CPA6: variants seen among roughly 807,000 people sequenced by gnomAD.
CPA6 encodes carboxypeptidase A6, also known as carboxypeptidase B.
Under a neutral mutation model 63.3 loss-of-function variants are expected in CPA6, and 58 were observed. That is an observed-to-expected ratio of 0.92 (90% CI 0.74 to 1.14). The LOEUF (loss-of-function observed/expected upper bound fraction) is 1.14, where lower values mean the gene tolerates loss of function less well. Ranked by LOEUF, CPA6 falls within the 50% of genes most tolerant of loss-of-function variation. The pLI is 0.00. For missense variants in CPA6, 565 were observed against 526.6 expected (o/e 1.07, Z -0.71); for synonymous variants, 185 against 179.0 (o/e 1.03, Z -0.27).
chr8:67,450,593 C>A (rs1011886828), intron 8 of CPA6, among the ~76,000 whole-genome samples: 2 of 152,182 alleles, frequency 1.3e-5, no homozygotes, highest in African/African-American at 4.8e-5. Context: ...AAAAGGGTAA[C>A]TATTTTGTAC....
chr8:67,724,108 T>C (rs1817553327), intron 1 of CPA6, among the ~76,000 whole-genome samples: 1 of 151,598 alleles, frequency 6.6e-6, no homozygotes, highest in Non-Finnish European at 1.5e-5. Flanking sequence ...GAGCAAAGCA[T>C]ACAAATTCAC....
rs1254567012 is a variant in CPA6 at position 67,484,625 on chromosome 8, GTT to G, written c.747+52_747+53del. 5 of 955,266 alleles carry G rather than the reference GTT, an allele frequency of 5.2e-6. No homozygotes were observed. In the Admixed American group the frequency reaches 1.0e-4, roughly 19 times the overall value. The allele number at this position is 955,266 out of a possible 1,614,324, so 59.2% of individuals were successfully genotyped here. On this transcript the variant is annotated intron_variant, in intron 7 of 10. Coordinates refer to ENST00000297770, the MANE Select transcript of CPA6 (RefSeq NM_020361.5). Reference sequence around the variant, plus strand: ...TCCTGTCCTGGAAGTTTGTGACTCTGTTTTCTATGATTTATTTAGTCCTCTTT... The same window carrying G: ...TCCTGTCCTGGAAGTTTGTGACTCTGTTCTATGATTTATTTAGTCCTCTTT...
At chr8:67,488,837 T>C (rs1303637498) in intron 6 of CPA6, among the ~76,000 whole-genome samples, 6 of 152,222 alleles carry the variant, frequency 3.9e-5, no homozygotes, top group Non-Finnish European at 5.9e-5. Context: ...AGTTCACTCA[T>C]GATTTGGCTC....
chr8:67,662,252 G>C (rs951268243), intron 1 of CPA6, among the ~76,000 whole-genome samples: 1 of 152,132 alleles, frequency 6.6e-6, no homozygotes, highest in Admixed American at 6.6e-5. Context: ...TACAAAGAAT[G>C]CATCAGGTGA....
intron 2 of CPA6, among the ~76,000 whole-genome samples, chr8:67,584,817 A>G (rs1239443732): frequency 6.6e-6 from 1 of 152,160 alleles, no homozygotes; most frequent in African/African-American, 2.4e-5. Context: ...ACATTTGTTG[A>G]AATTCTCATG....
intron 1 of CPA6, among the ~76,000 whole-genome samples, chr8:67,737,639 A>G (rs1817839092): frequency 6.6e-6 from 1 of 152,214 alleles, no homozygotes. Context: ...TGCTGTGCAC[A>G]TGGGCTGCTC....
chr8:67,715,019 C>G (rs989923872), intron 1 of CPA6, among the ~76,000 whole-genome samples: 2 of 152,140 alleles, frequency 1.3e-5, no homozygotes, highest in Non-Finnish European at 2.9e-5. Flanking sequence ...CTTAAGTCAC[C>G]GATAAGAGAA....
intron 8 of CPA6, among the ~76,000 whole-genome samples, chr8:67,468,960 T>C (rs1810993894): frequency 6.6e-6 from 1 of 152,204 alleles, no homozygotes; most frequent in Admixed American, 6.5e-5. Flanking sequence ...CTGCATCCTT[T>C]GCTTTATTCA....
chr8:67,582,212 T>C (rs545247484), intron 2 of CPA6, among the ~76,000 whole-genome samples: 1 of 152,254 alleles, frequency 6.6e-6, no homozygotes, highest in Admixed American at 6.5e-5. Context: ...CTTTGTCTAC[T>C]GAGAGCCCAC....
chr8:67,493,889 C>A (rs1192516294), intron 6 of CPA6, among the ~76,000 whole-genome samples: 2 of 152,040 alleles, frequency 1.3e-5, no homozygotes, highest in Non-Finnish European at 2.9e-5. Flanking sequence ...CCATTTCAGG[C>A]CATTTTAGTC....
intron 1 of CPA6, among the ~76,000 whole-genome samples, chr8:67,728,241 A>G (rs1817640833): frequency 6.6e-6 from 1 of 152,054 alleles, no homozygotes; most frequent in East Asian, 1.9e-4. Context: ...TACACTCCCC[A>G]CTTACCTCTC....
chr8:67,570,229 G>A (rs1366394310), intron 2 of CPA6, among the ~76,000 whole-genome samples: 2 of 152,118 alleles, frequency 1.3e-5, no homozygotes, highest in Non-Finnish European at 2.9e-5. Context: ...CTGTCTTTCA[G>A]AAGTGAGGAA....
At chr8:67,556,203 A>T (rs1036807729) in intron 2 of CPA6, among the ~76,000 whole-genome samples, 1 of 152,200 alleles carries the variant, frequency 6.6e-6, no homozygotes, top group Admixed American at 6.5e-5. Context: ...GGGATTTATT[A>T]TGGGAGATGG....
chr8:67,706,369 C>G (rs1370919866), intron 1 of CPA6, among the ~76,000 whole-genome samples: 2 of 152,032 alleles, frequency 1.3e-5, no homozygotes. Flanking sequence ...AGGTTTTTCA[C>G]CAAAAGTAAA....
chr8:67,511,701 G>A lies in CPA6; in HGVS notation c.318-46C>T, dbSNP rs772172902. 35 of 1,116,430 alleles carry A rather than the reference G, an allele frequency of 3.1e-5. No individual in the cohort carries two copies. In the Admixed American group the frequency reaches 5.9e-4, roughly 19 times the overall value. The allele number at this position is 1,116,430 out of a possible 1,614,324, so 69.2% of individuals were successfully genotyped here. On this transcript the variant is annotated intron_variant, in intron 3 of 10. Coordinates refer to ENST00000297770, the MANE Select transcript of CPA6 (RefSeq NM_020361.5). ...ATGATGAAAAGTAAATTGAGATATT[G>A]CAAAAATCAGGCAACACCCAGAAAA...
chr8:67,556,142 T>C (rs1813055059), intron 2 of CPA6, among the ~76,000 whole-genome samples: 1 of 152,250 alleles, frequency 6.6e-6, no homozygotes, highest in African/African-American at 2.4e-5. Context: ...TAACTTGGTT[T>C]CATAACATGA....
chr8:67,713,455 C>T (rs188747314), intron 1 of CPA6, among the ~76,000 whole-genome samples: 28 of 152,138 alleles, frequency 1.8e-4, no homozygotes, highest in African/African-American at 6.3e-4. Flanking sequence ...TTCTTTGTTT[C>T]GGGTTTTACC....
At chr8:67,455,515 G>A (rs1262962822) in intron 8 of CPA6, among the ~76,000 whole-genome samples, 1 of 151,684 alleles carries the variant, frequency 6.6e-6, no homozygotes, top group African/African-American at 2.4e-5. Flanking sequence ...GCTTGGAATT[G>A]ACCACAGGAC....
At chr8:67,455,663 CAAAAAAAAAA>C (rs552041509) in intron 8 of CPA6, among the ~76,000 whole-genome samples, 128 of 30,248 alleles carry the variant, frequency 4.2e-3, no homozygotes, top group Non-Finnish European at 4.2e-3. Flanking sequence ...TCTACAAAAG[CAAAAAAAAAA>C]AAAAAAAAAA....
Sources: gnomAD v4.1 joint callset for allele counts (sites outside exome capture counted in the v4.1 genomes callset) on GRCh38, gnomAD v4.1.1 for gene constraint, MANE v1.5 for transcripts, NCBI Gene and HGNC (gene_info 2026-07-23, HGNC 2026-07-21) for gene names.